ACTN4: variants seen among roughly 807,000 people sequenced by gnomAD.
ACTN4 encodes the protein actinin alpha 4, also known as alpha-actinin-4.
A neutral mutation model predicts 114.2 loss-of-function variants in ACTN4; 18 were observed. That is an observed-to-expected ratio of 0.16 (90% CI 0.11 to 0.23). The LOEUF (loss-of-function observed/expected upper bound fraction) is 0.23. Ranked by LOEUF, ACTN4 falls within the 10% of genes least tolerant of loss-of-function variation. The pLI, the probability that ACTN4 is intolerant of heterozygous loss-of-function variation, is 1.00. For missense variants in ACTN4, 722 were observed against 1,262.9 expected (o/e 0.57, Z 6.49); for synonymous variants, 515 against 506.3 (o/e 1.02, Z -0.23).
chr19:38,680,158 GT>G (rs775637095), intron 1 of ACTN4, among the ~76,000 whole-genome samples: 14 of 144,472 alleles, frequency 9.7e-5, no homozygotes, highest in Non-Finnish European at 1.6e-4. Flanking sequence ...GAGCAACCTT[GT>G]ATTTGTCCGT....
Position 38,729,436 on chromosome 19 carries a change from C to T in ACTN4, c.*4C>T. Reference sequence around the variant, plus strand: ...GTATGGCGAGAGCGACCTGTGAGGCCCCAGAGACCTGACCCAACACCCCCG... The same window carrying T: ...GTATGGCGAGAGCGACCTGTGAGGCTCCAGAGACCTGACCCAACACCCCCG... On this transcript the variant is annotated 3_prime_UTR_variant, in exon 21 of 21. Transcript: ENST00000252699. The T allele has an allele frequency of 6.2e-7, 1 of 1,612,708 alleles. No individual in the cohort carries two copies. Among genetic ancestry groups the T allele is most frequent in the Non-Finnish European group, 8.5e-7 (1 of 1,179,940 alleles).
rs542153508 is a variant in ACTN4 at position 38,731,096 on chromosome 19, G to T, written c.*1664G>T. On this transcript the variant is annotated 3_prime_UTR_variant, in exon 21 of 21. Transcript: ENST00000252699. ...TCCCCCCATGCCCCACCATGCCGGG[G>T]TGGTACTCACAGAAGATGCAGGTGA... The T allele has an allele frequency of 1.2e-6, 2 of 1,606,938 alleles. No individual in the cohort carries two copies. Among genetic ancestry groups the T allele is most frequent in the East Asian group, 2.2e-5 (1 of 44,674 alleles).
At chr19:38,715,863 G>C (rs1968821879) in intron 9 of ACTN4, among the ~76,000 whole-genome samples, 1 of 152,202 alleles carries the variant, frequency 6.6e-6, no homozygotes, top group Admixed American at 6.5e-5. Flanking sequence ...TCTCCAGCTT[G>C]TCCGTGCTGG....
At chr19:38,677,888 G>A (rs1967430163) in intron 1 of ACTN4, among the ~76,000 whole-genome samples, 1 of 152,064 alleles carries the variant, frequency 6.6e-6, no homozygotes, top group Non-Finnish European at 1.5e-5. Context: ...CACCATACCC[G>A]GCTAATTTTT....
At chr19:38,660,546 C>T (rs1976855050) in intron 1 of ACTN4, among the ~76,000 whole-genome samples, 2 of 152,174 alleles carry the variant, frequency 1.3e-5, no homozygotes, top group Admixed American at 6.5e-5. Context: ...CAGGCACGTG[C>T]CACCATGCCT....
chr19:38,729,369 C>T lies in ACTN4; in HGVS notation c.2673C>T (p.Ala891=), dbSNP rs140419295. ...ARMAPYQGPD[A]VPGALDYKSF... ...TGGCGCCATACCAGGGCCCTGACGC[C>T]GTGCCCGGTGCCCTCGACTACAAGT... Residue 891 remains alanine, a synonymous_variant, in exon 21 of 21, where the codon GCC becomes GCT. Transcript: ENST00000252699. 2.1e-4 allele frequency: 340 copies of T among 1,612,636 alleles called. No individual in the cohort carries two copies. Among genetic ancestry groups the T allele is most frequent in the African/African-American group, 3.6e-4 (27 of 74,866 alleles).
intron 1 of ACTN4, among the ~76,000 whole-genome samples, chr19:38,699,033 C>G (rs181027778): frequency 6.6e-6 from 1 of 152,220 alleles, no homozygotes; most frequent in Non-Finnish European, 1.5e-5. Flanking sequence ...TGCTTCTACA[C>G]TGGCCCCTGC....
chr19:38,648,491 T>G (rs1437930769), intron 1 of ACTN4, among the ~76,000 whole-genome samples: 2 of 150,798 alleles, frequency 1.3e-5, no homozygotes, highest in African/African-American at 2.4e-5. Context: ...TGAAGACGGG[T>G]GGGAAGACTA....
Position 38,728,038 on chromosome 19 carries a change from T to C in ACTN4, c.2418+12T>C, listed in dbSNP as rs770428637. 1.9e-6 allele frequency: 3 copies of C among 1,604,356 alleles called. No homozygotes were observed. The highest frequency in any genetic ancestry group is 4.5e-5 in the East Asian group (2 of 44,316). On this transcript the variant is annotated intron_variant, in intron 19 of 20. Transcript: ENST00000252699. ...AGAACGACCGGCAGGTACTGCACCC[T>C]GGGCCCCAGCGGACCATGGCATTAA...
chr19:38,704,335 C>T (rs749245650), intron 3 of ACTN4, among the ~76,000 whole-genome samples: 3 of 152,262 alleles, frequency 2.0e-5, no homozygotes, highest in Non-Finnish European at 2.9e-5. Context: ...GCTGCTGTGT[C>T]GATGTGGATT....
chr19:38,700,468 C>A, intron 1 of ACTN4, 132 bp from the exon 2 acceptor site: 1 of 754,062 alleles, frequency 1.3e-6, no homozygotes. Flanking sequence ...CGGCCATGTA[C>A]GGTGTGTGTC....
At chr19:38,709,049 T>TG (rs1337672526) in intron 6 of ACTN4, among the ~76,000 whole-genome samples, 2 of 152,204 alleles carry the variant, frequency 1.3e-5, no homozygotes, top group Admixed American at 6.5e-5. Context: ...CTCTCAGGCC[T>TG]GGCCCACATC....
intron 1 of ACTN4, among the ~76,000 whole-genome samples, chr19:38,675,087 G>A (rs547229680): frequency 1.3e-5 from 2 of 152,230 alleles, no homozygotes; most frequent in Non-Finnish European, 2.9e-5. Flanking sequence ...TATATGGCTT[G>A]ATCTCAAAGA....
At chr19:38,661,676 G>A (rs1976890157) in intron 1 of ACTN4, among the ~76,000 whole-genome samples, 1 of 151,934 alleles carries the variant, frequency 6.6e-6, no homozygotes, top group Admixed American at 6.6e-5. Flanking sequence ...ATTTTGAGAC[G>A]GAGTCTCACT....
chr19:38,709,271 C>G, intron 6 of ACTN4, 124 bp from the exon 7 acceptor site: 1 of 778,288 alleles, frequency 1.3e-6, no homozygotes, highest in Non-Finnish European at 2.3e-6. Context: ...TGGCTGAGAA[C>G]TGCCTGAAGA....
At chr19:38,706,816 T>G (rs1968475064) in intron 5 of ACTN4, among the ~76,000 whole-genome samples, 1 of 152,230 alleles carries the variant, frequency 6.6e-6, no homozygotes, top group African/African-American at 2.4e-5. Context: ...GCTGCTAAGA[T>G]GAACAAGCCT....
intron 11 of ACTN4, chr19:38,718,292 C>A: frequency 1.2e-6 from 1 of 826,682 alleles, no homozygotes; most frequent in Non-Finnish European, 2.0e-6. Context: ...TTTGGCAGGC[C>A]AAGGCAGGAG....
intron 12 of ACTN4, 127 bp downstream of exon 12, chr19:38,721,815 C>G: frequency 7.3e-7 from 1 of 1,367,590 alleles, no homozygotes; most frequent in South Asian, 1.2e-5. Flanking sequence ...GCCCCAACTG[C>G]ACCTCCTTCC....
chr19:38,673,557 TTATA>T (rs1456758662), intron 1 of ACTN4, among the ~76,000 whole-genome samples: 1 of 87,912 alleles, frequency 1.1e-5, no homozygotes, highest in African/African-American at 4.0e-5. Context: ...TTATATATAC[TTATA>T]TATATTTATA....
Sources: gnomAD v4.1 joint callset for allele counts (sites outside exome capture counted in the v4.1 genomes callset) on GRCh38, gnomAD v4.1.1 for gene constraint, MANE v1.5 for transcripts, NCBI Gene and HGNC (gene_info 2026-07-23, HGNC 2026-07-21) for gene names.